Variants in AP2A2 observed in about 807,000 individuals in gnomAD.
AP2A2 encodes the protein AP-2 complex subunit alpha-2.
A neutral mutation model predicts 104.2 loss-of-function variants in AP2A2; 32 were observed. The observed-to-expected ratio is 0.31, with a 90% CI of 0.23 to 0.41. The LOEUF (loss-of-function observed/expected upper bound fraction) is 0.41, where lower values mean the gene tolerates loss of function less well. Ranked by LOEUF, AP2A2 falls within the 10% of genes least tolerant of loss-of-function variation. AP2A2 has a pLI of 1.00. For missense variants in AP2A2, 912 were observed against 1,261.0 expected (o/e 0.72, Z 4.19); for synonymous variants, 539 against 533.3 (o/e 1.01, Z -0.15).
intron 1 of AP2A2, among the ~76,000 whole-genome samples, chr11:950,296 T>C (rs1340978779): frequency 1.3e-5 from 2 of 151,128 alleles, no homozygotes; most frequent in Non-Finnish European, 2.9e-5. Flanking sequence ...TAAGTTTCTG[T>C]GACTTTGGAA....
intron 18 of AP2A2, chr11:1,008,343 G>T: frequency 8.9e-6 from 6 of 677,526 alleles, no homozygotes; most frequent in Non-Finnish European, 1.4e-5. Context: ...GCTCCGGGAC[G>T]GCAGGTGGCA....
intron 14 of AP2A2, among the ~76,000 whole-genome samples, chr11:998,327 G>GCCCCCATTCTGACCCCCCA (rs1855923721): frequency 2.7e-5 from 1 of 37,446 alleles, no homozygotes; most frequent in African/African-American, 1.3e-4. Context: ...ACTCTCACCC[G>GCCCCCATTCTGACCCCCCA]CCCCCATTCT....
In AP2A2 at chr11:1,000,451, C is replaced by G. The variant is rs1268749122; in HGVS notation, c.1976C>G (p.Ala659Gly). 1 of 1,543,438 alleles carries G rather than the reference C, an allele frequency of 6.5e-7. No individual in the cohort carries two copies. Among genetic ancestry groups the G allele is most frequent in the Non-Finnish European group, 8.7e-7 (1 of 1,147,522 alleles). The part of the protein sequence containing the change: ...TSAVSTPSPS[A>G]DLLGLGAAPP... ...TTCCAGTCTACGCCTTCTCCGTCGG[C>G]AGACCTGCTGGGTCTCGGGGCTGCC... is the stretch of plus-strand genomic sequence containing the variant. The change falls in exon 15 of 22, where the codon GCA becomes GGA. Residue 659 changes from alanine to glycine, a missense_variant. Ala to Gly is a moderately conservative substitution (Grantham distance 60). Around this residue, in one of 7 missense-constraint regions of AP2A2, gnomAD observed 105 missense variants for 90.9 expected, o/e 1.16. Transcript: ENST00000448903.
intron 1 of AP2A2, among the ~76,000 whole-genome samples, chr11:927,801 G>A (rs1853166244): frequency 1.7e-5 from 2 of 114,882 alleles, no homozygotes; most frequent in African/African-American, 6.7e-5. Context: ...GGGTGACAGA[G>A]TGAGACCTTT....
intron 18 of AP2A2, 91 bp downstream of exon 18, chr11:1,008,226 T>G: frequency 6.8e-7 from 1 of 1,462,470 alleles, no homozygotes; most frequent in Non-Finnish European, 9.0e-7. Flanking sequence ...GTGTCCTTCC[T>G]GAGGGGACCC....
intron 6 of AP2A2, 73 bp from the exon 7 acceptor site, chr11:984,571 AT>A: frequency 8.0e-7 from 1 of 1,242,754 alleles, no homozygotes; most frequent in Non-Finnish European, 1.2e-6. Context: ...AGGAGTGAGT[AT>A]GGCTTTTCTT....
At chr11:950,212 A>G (rs1854001286) in intron 1 of AP2A2, among the ~76,000 whole-genome samples, 1 of 152,142 alleles carries the variant, frequency 6.6e-6, no homozygotes, top group Non-Finnish European at 1.5e-5. Flanking sequence ...CACTATGCAC[A>G]AGAAATAACT....
At position 970,233 on chromosome 11, in the gene AP2A2, C is replaced by T. The variant is rs747946542; in HGVS notation, c.201C>T (p.Leu67=). 170 of 1,613,894 alleles carry T rather than the reference C, an allele frequency of 1.1e-4. No individual in the cohort carries two copies. Among genetic ancestry groups the T allele is most frequent in the Middle Eastern group, 8.2e-4 (5 of 6,084 alleles). ...TCTGCAAGTTGCTCTTCATCTTTCT[C>T]CTTGGTCATGACATTGACTTTGGAC... ...KYVCKLLFIF[L]LGHDIDFGHM... is the part of the protein sequence containing the mutation. Residue 67 remains leucine (L), a synonymous_variant, in exon 3 of 22, where the codon CTC becomes CTT. Transcript: ENST00000448903.
intron 18 of AP2A2, 112 bp downstream of exon 18, chr11:1,008,247 G>T: frequency 7.2e-7 from 1 of 1,386,338 alleles, no homozygotes; most frequent in South Asian, 1.5e-5. Flanking sequence ...GGGGCGTGCG[G>T]GTGCTCACGG....
At chr11:1,010,466 A>G in intron 21 of AP2A2, 82 bp from the exon 22 acceptor site, 1 of 1,168,162 alleles carries the variant, frequency 8.6e-7, no homozygotes, top group East Asian at 2.6e-5. Context: ...CATGGCCCAC[A>G]GGGTTCTGCA....
intron 5 of AP2A2, among the ~76,000 whole-genome samples, chr11:980,145 G>T (rs1311676901): frequency 0.41 from 24 of 58 alleles, no homozygotes; most frequent in Non-Finnish European, 0.5. Context: ...GCCCGGTGCC[G>T]TGTCCTGGAG....
chr11:947,244 C>A (rs1389733914), intron 1 of AP2A2, among the ~76,000 whole-genome samples: 1 of 152,110 alleles, frequency 6.6e-6, no homozygotes, highest in Admixed American at 6.6e-5. Context: ...CTCCTGACCT[C>A]AGGTAATCCA....
chr11:1,001,594 CGTG>C (rs912169718), intron 15 of AP2A2: 5 of 152,370 alleles, frequency 3.3e-5, no homozygotes, highest in African/African-American at 1.2e-4. Flanking sequence ...GGCAGGCCGG[CGTG>C]GTGGTGGGTG....
At chr11:937,309 C>T (rs552042548) in intron 1 of AP2A2, among the ~76,000 whole-genome samples, 131 of 152,212 alleles carry the variant, frequency 8.6e-4, no homozygotes, top group Non-Finnish European at 8.2e-4. Flanking sequence ...TGTGCGCCAC[C>T]GTGCCCAGCC....
chr11:1,001,646 T>TA (rs1233873774), intron 15 of AP2A2, among the ~76,000 whole-genome samples: 7 of 152,092 alleles, frequency 4.6e-5, no homozygotes, highest in Non-Finnish European at 7.4e-5. Flanking sequence ...TTACTGCTCT[T>TA]AGAGTCGCTG....
At chr11:937,111 C>G (rs1853484287) in intron 1 of AP2A2, among the ~76,000 whole-genome samples, 1 of 152,026 alleles carries the variant, frequency 6.6e-6, no homozygotes, top group African/African-American at 2.4e-5. Context: ...ACCTCTGCCT[C>G]TGGGTTCAAG....
rs1180608618 is a variant in AP2A2 at position 992,497 on chromosome 11, C to T, written c.1270-6C>T. ...GTGCCGGCCCTCAGCAGCCTGTCCC[C>T]CACAGGTGCTGAAGGTCGCCATCCT... On this transcript the variant is annotated splice_region_variant and splice_polypyrimidine_tract_variant and intron_variant, in intron 10 of 21. Coordinates refer to ENST00000448903, the MANE Select transcript of AP2A2 (RefSeq NM_012305.4). This position sits in a 1 kb window ranked among gnomAD's most constrained non-coding sequence, Gnocchi z 6.4. 1.3e-6 allele frequency: 2 copies of T among 1,579,232 alleles called. No individual in the cohort carries two copies. The highest frequency in any genetic ancestry group is 1.7e-6 in the Non-Finnish European group (2 of 1,162,712).
chr11:969,519 C>T (rs1387209093), intron 2 of AP2A2, among the ~76,000 whole-genome samples: 1 of 152,122 alleles, frequency 6.6e-6, no homozygotes, highest in Non-Finnish European at 1.5e-5. Context: ...AGCCACCGTG[C>T]CGGGCCCAGA....
chr11:1,010,351 A>G, intron 21 of AP2A2, 197 bp from the exon 22 acceptor site: 1 of 595,818 alleles, frequency 1.7e-6, no homozygotes, highest in South Asian at 2.1e-5. Context: ...GCTACGTACG[A>G]GACGCCAGGC....
Sources: allele counts gnomAD v4.1 joint callset (sites outside exome capture counted in the v4.1 genomes callset), GRCh38; gene constraint gnomAD v4.1.1; regional missense constraint gnomAD v4.1.1; non-coding constraint Gnocchi (gnomAD v3.1); transcripts MANE v1.5; gene names NCBI Gene and HGNC (gene_info 2026-07-23, HGNC 2026-07-21).